ZFYVE9: variants seen among roughly 807,000 people sequenced by gnomAD.
ZFYVE9 encodes zinc finger FYVE-type containing 9, also known as zinc finger FYVE domain-containing protein 9.
In ZFYVE9, 43 loss-of-function variants were observed where a neutral mutation model predicts 126.7. The observed-to-expected ratio is 0.34, with a 90% confidence interval of 0.27 to 0.44. ZFYVE9 has a LOEUF of 0.44. ZFYVE9 is among the 20% of genes least tolerant of loss of function. The pLI is 1.00. For missense variants in ZFYVE9, 1,476 were observed against 1,697.0 expected (o/e 0.87, Z 2.29); for synonymous variants, 521 against 597.4 (o/e 0.87, Z 1.87).
intron 13 of ZFYVE9, among the ~76,000 whole-genome samples, chr1:52,310,225 T>C (rs1449051243): frequency 6.6e-6 from 1 of 152,130 alleles, no homozygotes; most frequent in African/African-American, 2.4e-5. Context: ...TGCCTCAGCC[T>C]CCCAAAGTGC....
At chr1:52,263,974 C>A in intron 5 of ZFYVE9, 102 bp downstream of exon 5, 1 of 584,416 alleles carries the variant, frequency 1.7e-6, no homozygotes, top group Non-Finnish European at 2.8e-6. Context: ...AGTTGCTCAC[C>A]TTCTCAAATG....
chr1:52,208,443 G>A lies in ZFYVE9; in HGVS notation c.-142-7926G>A, dbSNP rs1644996608. Among the ~76,000 whole-genome samples the A allele has an allele frequency of 2.0e-5, 3 of 151,324 alleles. No homozygotes were observed. The South Asian group carries it at 6.3e-4, about 32-fold the overall frequency. On this transcript the variant is annotated intron_variant, in intron 1 of 18. Transcript: ENST00000287727. ...TAATAGGAACTTTCTGATAAGTTGT[G>A]ATTGTGAATAGACAGCACAAAACCT... is the stretch of plus-strand genomic sequence containing the variant.
intron 4 of ZFYVE9, among the ~76,000 whole-genome samples, chr1:52,243,734 G>C (rs1042727426): frequency 2.0e-5 from 3 of 151,844 alleles, no homozygotes; most frequent in Middle Eastern, 3.4e-3. Context: ...ACTCCAGCCA[G>C]AGTGACAGAG....
intron 1 of ZFYVE9, among the ~76,000 whole-genome samples, chr1:52,175,707 T>G (rs1644619958): frequency 6.6e-6 from 1 of 152,200 alleles, no homozygotes. Context: ...TTCGTTTCTT[T>G]TTATTCTTTT....
At chr1:52,188,484 T>G (rs987933288) in intron 1 of ZFYVE9, among the ~76,000 whole-genome samples, 5 of 152,202 alleles carry the variant, frequency 3.3e-5, no homozygotes, top group Non-Finnish European at 7.3e-5. Flanking sequence ...AAATATAAGT[T>G]AAAAAATTTT....
At chr1:52,315,465 C>T (rs6659423) in intron 13 of ZFYVE9, among the ~76,000 whole-genome samples, 4,242 of 151,904 alleles carry the variant, frequency 0.028, 144 homozygotes, top group African/African-American at 0.079. Context: ...TAATGTATTG[C>T]GGAATTTATA....
At chr1:52,195,237 GAAA>G (rs1644849656) in intron 1 of ZFYVE9, among the ~76,000 whole-genome samples, 1 of 152,042 alleles carries the variant, frequency 6.6e-6, no homozygotes, top group African/African-American at 2.4e-5. Flanking sequence ...TTTTTACACT[GAAA>G]ATATTTCTAA....
intron 1 of ZFYVE9, among the ~76,000 whole-genome samples, chr1:52,207,012 A>G (rs540057124): frequency 6.6e-6 from 1 of 152,346 alleles, no homozygotes; most frequent in South Asian, 2.1e-4. Flanking sequence ...GGGGAGGGCA[A>G]TCCGGTGTAC....
rs541679465 is a variant in ZFYVE9, at chr1:52,259,625, T to TAA, written c.2179-4126_2179-4125dup. On this transcript the variant is annotated intron_variant, in intron 4 of 18. Transcript: ENST00000287727. ...CAACATGGCGAAACCCTGTCTCTACTAAAAAAAAAAAAAAAAAAAAAAATC... is the reference window on the plus strand; with the variant it reads ...CAACATGGCGAAACCCTGTCTCTACTAAAAAAAAAAAAAAAAAAAAAAAAATC... 3.4e-4 allele frequency among the ~76,000 whole-genome samples: 29 copies of TAA among 84,156 alleles called. No homozygotes were observed. In the East Asian group the frequency reaches 4.6e-3, roughly 13 times the overall value. 55.2% of individuals were successfully genotyped at this position (84,156 alleles called of 152,430 possible). A position where few individuals can be genotyped will look rare whatever the true frequency, so the allele number is the denominator to read the frequency against.
chr1:52,205,091 T>G (rs1404331062), intron 1 of ZFYVE9, among the ~76,000 whole-genome samples: 1 of 146,520 alleles, frequency 6.8e-6, no homozygotes, highest in Non-Finnish European at 1.5e-5. Flanking sequence ...TTTTTTTTTT[T>G]GAAGACAGGA....
chr1:52,167,560 T>C (rs539640111), intron 1 of ZFYVE9, among the ~76,000 whole-genome samples: 2 of 152,224 alleles, frequency 1.3e-5, no homozygotes, highest in African/African-American at 2.4e-5. Flanking sequence ...TACCCTGATA[T>C]ATGATGCCAC....
At chr1:52,182,068 G>GGCCAGCTGCCCC (rs1428019895) in intron 1 of ZFYVE9, among the ~76,000 whole-genome samples, 1 of 151,500 alleles carries the variant, frequency 6.6e-6, no homozygotes, top group African/African-American at 2.4e-5. Context: ...CCCCTCGCCC[G>GGCCAGCTGCCCC]GCCAGCTGCC....
chr1:52,161,235 C>A (rs971896974), intron 1 of ZFYVE9, among the ~76,000 whole-genome samples: 2 of 152,096 alleles, frequency 1.3e-5, no homozygotes, highest in African/African-American at 2.4e-5. Context: ...ACTTAAACTT[C>A]AATAAATTTA....
intron 1 of ZFYVE9, among the ~76,000 whole-genome samples, chr1:52,188,505 T>C (rs1644786419): frequency 6.6e-6 from 1 of 152,202 alleles, no homozygotes. Context: ...TAAAATAAAA[T>C]TGCCTAGTTT....
Position 52,239,308 on chromosome 1 carries a change from G to T in ZFYVE9, c.1891G>T (p.Val631Leu), listed in dbSNP as rs780258834. ...AKLGENSATN[V>L]CSPSLGNISN... is the part of the protein sequence containing the mutation. ...ATTAGGGGAAAACTCAGCAACCAATGTATGCAGTCCATCTTTGGGAAACAT... is the reference window on the plus strand; with the variant it reads ...ATTAGGGGAAAACTCAGCAACCAATTTATGCAGTCCATCTTTGGGAAACAT... Residue 631 changes from valine (V) to leucine (L), a missense_variant, in exon 4 of 19, where the codon GTA (valine) becomes TTA (leucine). By Grantham distance (32) the Val-to-Leu change is conservative. This residue lies in a region of ZFYVE9 where 807 missense variants were observed against 794.6 expected (regional missense o/e 1.02). Transcript: ENST00000287727. 7.4e-6 allele frequency: 12 copies of T among 1,614,064 alleles called. No homozygotes were observed. In the South Asian group the frequency reaches 1.3e-4, roughly 18 times the overall value.
At chr1:52,192,575 A>G (rs959036793) in intron 1 of ZFYVE9, among the ~76,000 whole-genome samples, 25 of 152,230 alleles carry the variant, frequency 1.6e-4, no homozygotes, top group Non-Finnish European at 1.5e-5. Flanking sequence ...CAATTCTGCC[A>G]TCCTTGTGAT....
intron 13 of ZFYVE9, among the ~76,000 whole-genome samples, chr1:52,314,121 A>G (rs1220132225): frequency 6.6e-6 from 1 of 152,168 alleles, no homozygotes; most frequent in Non-Finnish European, 1.5e-5. Context: ...AGCTCAATGA[A>G]CCCCAATTGC....
At chr1:52,327,912 C>T (rs567057204) in intron 13 of ZFYVE9, among the ~76,000 whole-genome samples, 52 of 150,026 alleles carry the variant, frequency 3.5e-4, no homozygotes, top group Middle Eastern at 3.5e-3. Flanking sequence ...AGGCAGAGGC[C>T]GCAGTGAGCC....
At chr1:52,339,924 C>G (rs1434650840) in intron 16 of ZFYVE9, among the ~76,000 whole-genome samples, 3 of 152,150 alleles carry the variant, frequency 2.0e-5, no homozygotes, top group Non-Finnish European at 2.9e-5. Context: ...TGAACTATTT[C>G]AGTGCATAGA....
Sources: gnomAD v4.1 joint callset for allele counts (sites outside exome capture counted in the v4.1 genomes callset) on GRCh38, gnomAD v4.1.1 for gene constraint, gnomAD v4.1.1 regional missense constraint, MANE v1.5 for transcripts, NCBI Gene and HGNC (gene_info 2026-07-23, HGNC 2026-07-21) for gene names.